Variants in TTC39A observed in about 807,000 individuals in gnomAD.
TTC39A encodes tetratricopeptide repeat protein 39A.
Under a neutral mutation model 82.3 loss-of-function variants are expected in TTC39A, and 46 were observed. The observed-to-expected ratio is 0.56, with a 90% confidence interval of 0.44 to 0.71. The LOEUF (loss-of-function observed/expected upper bound fraction) is 0.71. TTC39A is among the 30% of genes least tolerant of loss of function. The pLI is 0.00. For missense variants in TTC39A, 543 were observed against 712.9 expected, an observed-to-expected ratio of 0.76 and a Z score of 2.71; for synonymous variants, 254 against 275.2, an observed-to-expected ratio of 0.92 and a Z score of 0.76.
intron 2 of TTC39A, among the ~76,000 whole-genome samples, chr1:51,319,651 T>C (rs975093292): frequency 3.3e-5 from 5 of 152,034 alleles, no homozygotes; most frequent in Non-Finnish European, 5.9e-5. Flanking sequence ...AAAAAATATA[T>C]TTATGCAAGT....
chr1:51,342,315 G>A (rs1646047105), intron 1 of TTC39A, among the ~76,000 whole-genome samples: 1 of 152,156 alleles, frequency 6.6e-6, no homozygotes, highest in African/African-American at 2.4e-5. Context: ...TACCCTGGAA[G>A]GAAGATTACC....
rs1645071331 is a variant in TTC39A at position 51,311,240 on chromosome 1, G to C, written c.423+14C>G. On this transcript the variant is annotated intron_variant, in intron 5 of 17. Transcript: ENST00000680483. Reference sequence around the variant, plus strand: ...CTGAAATCCCAGCCTCTTTGTACAAGTGGGGGTCCCTACCTGCAGGAAGGT... The same window carrying C: ...CTGAAATCCCAGCCTCTTTGTACAACTGGGGGTCCCTACCTGCAGGAAGGT... 3 of 1,570,844 alleles carry C rather than the reference G, an allele frequency of 1.9e-6. No homozygotes were observed. The highest frequency in any genetic ancestry group is 2.6e-6 in the Non-Finnish European group (3 of 1,157,830).
intron 6 of TTC39A, 45 bp from the exon 7 acceptor site, chr1:51,306,121 G>T: frequency 6.4e-7 from 1 of 1,552,414 alleles, no homozygotes; most frequent in East Asian, 2.3e-5. Context: ...GCTGGGGGTG[G>T]GGGGTAGGGG....
intron 1 of TTC39A, among the ~76,000 whole-genome samples, chr1:51,341,758 C>T (rs1364277506): frequency 1.3e-5 from 2 of 152,218 alleles, no homozygotes; most frequent in African/African-American, 4.8e-5. Context: ...GTCTGGGAAT[C>T]ACAAATGCTT....
At chr1:51,324,324 T>C (rs1645634831) in intron 1 of TTC39A, among the ~76,000 whole-genome samples, 1 of 152,170 alleles carries the variant, frequency 6.6e-6, no homozygotes, top group African/African-American at 2.4e-5. Flanking sequence ...AAACTGTAAC[T>C]GTGTAGGCCC....
intron 7 of TTC39A, 26 bp from the exon 8 acceptor site, chr1:51,305,172 T>G: frequency 6.2e-7 from 1 of 1,612,052 alleles, no homozygotes. Context: ...CAATCAAGCC[T>G]GTGAAGGTAC....
intron 5 of TTC39A, 192 bp from the exon 6 acceptor site, chr1:51,309,517 A>G: frequency 7.3e-7 from 1 of 1,361,096 alleles, no homozygotes; most frequent in Non-Finnish European, 9.7e-7. Context: ...GGGTTGGACC[A>G]GCCTCCCAGG....
upstream of TTC39A, among the ~76,000 whole-genome samples, chr1:51,332,497 G>A (rs1056742037): frequency 2.6e-5 from 4 of 152,254 alleles, no homozygotes; most frequent in African/African-American, 9.6e-5. Context: ...TGGACCTCAA[G>A]TGATCCGCCT....
upstream of TTC39A, among the ~76,000 whole-genome samples, chr1:51,334,195 C>CAAAAAAAAAAA (rs763569273): frequency 2.6e-5 from 1 of 38,064 alleles, no homozygotes; most frequent in African/African-American, 1.1e-4. Context: ...CCTGTCTCTA[C>CAAAAAAAAAAA]AAAAAAAAAA....
intron 1 of TTC39A, among the ~76,000 whole-genome samples, chr1:51,322,655 G>A (rs1645572446): frequency 6.6e-6 from 1 of 152,050 alleles, no homozygotes; most frequent in Non-Finnish European, 1.5e-5. Flanking sequence ...GACTTTTCTG[G>A]GTCTCAGCTT....
At chr1:51,290,453 G>A in intron 15 of TTC39A, 61 bp downstream of exon 15, 1 of 1,467,750 alleles carries the variant, frequency 6.8e-7, no homozygotes, top group Non-Finnish European at 9.3e-7. Flanking sequence ...TTGGCAGAGG[G>A]AAGCTTCAGC....
chr1:51,334,015 G>A (rs1283498890), upstream of TTC39A, among the ~76,000 whole-genome samples: 3 of 152,010 alleles, frequency 2.0e-5, no homozygotes, highest in Non-Finnish European at 4.4e-5. Flanking sequence ...TTCCTCATCA[G>A]TAAAATGGAA....
rs771647116 is a variant in TTC39A, at chr1:51,301,728, G to A, written c.897C>T (p.Ile299=). 3.2e-5 allele frequency: 52 copies of A among 1,603,958 alleles called. No individual in the cohort carries two copies. Among genetic ancestry groups the A allele is most frequent in the Non-Finnish European group, 4.3e-5 (51 of 1,173,018 alleles). The change falls in exon 12 of 18, where the codon ATC becomes ATT. Residue 299 remains isoleucine, a synonymous_variant. Transcript: ENST00000680483. ...CCTCACAGCACTCCTCGAAACGCCG[G>A]ATGGCCTGCAGGCACCTTCTGGTCA... ...EVIKGNIDAA[I]RRFEECCEAQ...
At chr1:51,344,882 C>G in intron 1 of TTC39A, 1 of 1,372,232 alleles carries the variant, frequency 7.3e-7, no homozygotes, top group African/African-American at 1.5e-5. Flanking sequence ...AGCCACACAC[C>G]CTTTCCCCAG....
upstream of TTC39A, among the ~76,000 whole-genome samples, chr1:51,335,563 CAAAAA>C (rs1178529051): frequency 1.5e-5 from 1 of 68,086 alleles, no homozygotes. Flanking sequence ...TCTTGTCTCA[CAAAAA>C]AAAAAAAAAA....
intron 2 of TTC39A, among the ~76,000 whole-genome samples, chr1:51,316,086 C>T (rs55668446): frequency 0.014 from 2,154 of 152,264 alleles, 31 homozygotes; most frequent in Non-Finnish European, 0.023. Flanking sequence ...GGGTCGTTCT[C>T]GGCACCCCTT....
At chr1:51,319,880 G>A (rs990330168) in intron 2 of TTC39A, among the ~76,000 whole-genome samples, 7 of 151,836 alleles carry the variant, frequency 4.6e-5, no homozygotes, top group African/African-American at 1.5e-4. Flanking sequence ...TAGTAGCGAC[G>A]AGGTTTCACC....
chr1:51,313,555 G>A lies in TTC39A; in HGVS notation c.147-612C>T, dbSNP rs180949124. 1.1e-3 allele frequency among the ~76,000 whole-genome samples: 163 copies of A among 152,220 alleles called. 4 individuals are homozygous for A. The highest frequency in any genetic ancestry group is 3.4e-3 in the African/African-American group (143 of 41,550). Reference sequence around the variant, plus strand: ...GACGCCGGCTCTGCCCACCTCTCCAGCCCTCTTGATGTTTCTGCTCCTCAC... The same window carrying A: ...GACGCCGGCTCTGCCCACCTCTCCAACCCTCTTGATGTTTCTGCTCCTCAC... On this transcript the variant is annotated intron_variant, in intron 2 of 17. Coordinates refer to ENST00000680483, the MANE Select transcript of TTC39A (RefSeq NM_001297663.2).
Position 51,294,168 on chromosome 1 carries a change from T to G in TTC39A, c.1266+223A>C, listed in dbSNP as rs1292824631. Among the ~76,000 whole-genome samples, 1 of 152,178 alleles carries G rather than the reference T, an allele frequency of 6.6e-6. No homozygotes were observed. The highest frequency in any genetic ancestry group is 1.9e-4 in the East Asian group (1 of 5,194). ...CTCTGTCCAGGAGGGTGTCCCTCTC[T>G]GCCTTTTATCTGCAGCCTGCCTGTC... On this transcript the variant is annotated intron_variant, in intron 14 of 17. Transcript: ENST00000680483. This position sits in a 1 kb window ranked among gnomAD's most constrained non-coding sequence, Gnocchi z 4.3.
Sources: gnomAD v4.1 joint callset for allele counts (sites outside exome capture counted in the v4.1 genomes callset) on GRCh38, gnomAD v4.1.1 for gene constraint, Gnocchi (gnomAD v3.1) non-coding constraint, MANE v1.5 for transcripts, NCBI Gene and HGNC (gene_info 2026-07-23, HGNC 2026-07-21) for gene names.